IBTK: variants seen among roughly 807,000 people sequenced by gnomAD.
IBTK encodes BTK-binding protein.
In IBTK, 83 loss-of-function variants were observed where a neutral mutation model predicts 154.9. The observed-to-expected ratio is 0.54, with a 90% CI of 0.45 to 0.64. The LOEUF (loss-of-function observed/expected upper bound fraction) is 0.64. Among genes scored for constraint, IBTK ranks in the 30% least tolerant of loss-of-function variants. The pLI, the probability that IBTK is intolerant of heterozygous loss-of-function variation, is 0.00. For synonymous variants in IBTK, 515 were observed against 536.1 expected (o/e 0.96, Z 0.54); for missense variants, 1,332 against 1,584.6 (o/e 0.84, Z 2.71).
chr6:82,234,155 T>C lies in IBTK; in HGVS notation c.418+4A>G. 2 of 1,505,974 alleles carry C rather than the reference T, an allele frequency of 1.3e-6. No individual in the cohort carries two copies. The highest frequency in any genetic ancestry group is 1.8e-6 in the Non-Finnish European group (2 of 1,089,194). 93.3% of individuals were successfully genotyped at this position (1,505,974 alleles called of 1,614,324 possible). On this transcript the variant is annotated splice_donor_region_variant and intron_variant, in intron 3 of 28. Coordinates refer to ENST00000306270, the MANE Select transcript of IBTK (RefSeq NM_015525.4). Reference sequence around the variant, plus strand: ...CGCCCAGCCCATTTGTGAAATTTTCTTACCAGTATTCTTGAATACTACATG... The same window carrying C: ...CGCCCAGCCCATTTGTGAAATTTTCCTACCAGTATTCTTGAATACTACATG...
intron 10 of IBTK, among the ~76,000 whole-genome samples, chr6:82,217,270 G>A (rs1307232737): frequency 2.6e-5 from 4 of 152,014 alleles, no homozygotes; most frequent in Admixed American, 6.6e-5. Context: ...TTGAACCTAC[G>A]TTCTAGTTAC....
At chr6:82,230,947 G>A (rs140041114) in intron 4 of IBTK, among the ~76,000 whole-genome samples, 21 of 152,188 alleles carry the variant, frequency 1.4e-4, no homozygotes, top group South Asian at 4.1e-4. Context: ...AGCATCACTC[G>A]TGCCTAAGCA....
chr6:82,195,565 T>G (rs1768952738), intron 22 of IBTK, among the ~76,000 whole-genome samples: 1 of 151,074 alleles, frequency 6.6e-6, no homozygotes, highest in Admixed American at 6.6e-5. Flanking sequence ...GCAACCAGAG[T>G]GAGAGACCCT....
chr6:82,240,698 G>T lies in IBTK; in HGVS notation c.-212C>A. 1 of 491,546 alleles carries T rather than the reference G, an allele frequency of 2.0e-6. No individual in the cohort carries two copies. The highest frequency in any genetic ancestry group is 3.5e-6 in the Non-Finnish European group (1 of 281,716). The allele number at this position is 491,546 out of a possible 1,614,324, so 30.4% of individuals were successfully genotyped here. ...AAAAAATTATAAATAGCTCTATAAA[G>T]TTCATATCAAATACAAGTTCTTCAT... On this transcript the variant is annotated 5_prime_UTR_variant, in exon 2 of 29. Transcript: ENST00000306270.
At chr6:82,184,856 G>A (rs1008650845) in intron 25 of IBTK, among the ~76,000 whole-genome samples, 1 of 152,012 alleles carries the variant, frequency 6.6e-6, no homozygotes, top group Non-Finnish European at 1.5e-5. Flanking sequence ...GATACTTCAG[G>A]TAATGATGTA....
At chr6:82,242,092 A>T (rs899379609) in intron 1 of IBTK, among the ~76,000 whole-genome samples, 1 of 152,214 alleles carries the variant, frequency 6.6e-6, no homozygotes, top group Admixed American at 6.5e-5. Flanking sequence ...GGCAATGGCC[A>T]GGCGCAGTGG....
At chr6:82,176,509 G>A (rs1480651076) in intron 26 of IBTK, among the ~76,000 whole-genome samples, 11 of 132,872 alleles carry the variant, frequency 8.3e-5, no homozygotes, top group African/African-American at 2.6e-4. Context: ...TGACAAGAGC[G>A]AGAGTCCGTC....
intron 23 of IBTK, among the ~76,000 whole-genome samples, chr6:82,192,931 C>A (rs1768828521): frequency 1.3e-5 from 2 of 151,598 alleles, no homozygotes; most frequent in Non-Finnish European, 2.9e-5. Context: ...ACCCTCATCT[C>A]TACTAAAAAT....
chr6:82,192,013 G>C (rs903594505), intron 23 of IBTK, 134 bp from the exon 24 acceptor site: 2 of 555,738 alleles, frequency 3.6e-6, no homozygotes, highest in African/African-American at 3.8e-5. Context: ...CTGTGAGCCA[G>C]TTTCATAAAG....
intron 26 of IBTK, among the ~76,000 whole-genome samples, chr6:82,178,659 A>G (rs1336327451): frequency 6.6e-6 from 1 of 152,244 alleles, no homozygotes; most frequent in Non-Finnish European, 1.5e-5. Flanking sequence ...ACAAACATGA[A>G]AATACTTAGA....
chr6:82,198,718 T>C lies in IBTK; in HGVS notation c.3025+1423A>G, dbSNP rs116235006. ...TGTACTAGGTTATGCCTTAGTGCTATAGACAAGAGTAACCTACCATTTCTG... is the reference window on the plus strand; with the variant it reads ...TGTACTAGGTTATGCCTTAGTGCTACAGACAAGAGTAACCTACCATTTCTG... On this transcript the variant is annotated intron_variant, in intron 21 of 28. Transcript: ENST00000306270. Among the ~76,000 whole-genome samples, 1,436 of 152,282 alleles carry C rather than the reference T, an allele frequency of 9.4e-3. 20 individuals carry two copies. The highest frequency in any genetic ancestry group is 0.033 in the African/African-American group (1,358 of 41,580).
chr6:82,172,755 G>A, intron 27 of IBTK: 1 of 401,194 alleles, frequency 2.5e-6, no homozygotes, highest in Non-Finnish European at 4.4e-6. Context: ...CCTACGATGA[G>A]CGAACCTGGA....
intron 11 of IBTK, among the ~76,000 whole-genome samples, chr6:82,215,353 G>A (rs1769826787): frequency 6.6e-6 from 1 of 152,108 alleles, no homozygotes; most frequent in Admixed American, 6.5e-5. Flanking sequence ...GATTTGCATT[G>A]CGATTTACAG....
intron 1 of IBTK, among the ~76,000 whole-genome samples, chr6:82,242,716 G>A (rs1770998108): frequency 6.6e-6 from 1 of 152,066 alleles, no homozygotes; most frequent in Non-Finnish European, 1.5e-5. Flanking sequence ...GGAGGCCGGG[G>A]TGGGCGGACC....
intron 26 of IBTK, among the ~76,000 whole-genome samples, chr6:82,180,233 G>C (rs968408627): frequency 6.6e-6 from 1 of 151,844 alleles, no homozygotes; most frequent in Non-Finnish European, 1.5e-5. Flanking sequence ...TTCCATTTAA[G>C]GTTTTTTTAT....
chr6:82,172,723 A>G, intron 27 of IBTK: 1 of 487,752 alleles, frequency 2.1e-6, no homozygotes, highest in Non-Finnish European at 3.6e-6. Context: ...CTCTTTAGCA[A>G]TGCTACAATT....
At chr6:82,179,506 C>T (rs954996621) in intron 26 of IBTK, among the ~76,000 whole-genome samples, 1 of 152,132 alleles carries the variant, frequency 6.6e-6, no homozygotes, top group Non-Finnish European at 1.5e-5. Context: ...GACGACTGAA[C>T]ATATGCTCAT....
At position 82,211,356 on chromosome 6, in the gene IBTK, T is replaced by C. The variant is rs748425750; in HGVS notation, c.2412+11A>G. ...AGTTACCAACCTAGGCGCTTTTTACTTAAATCTTACCTCAATCCATGAGCT... is the reference window on the plus strand; with the variant it reads ...AGTTACCAACCTAGGCGCTTTTTACCTAAATCTTACCTCAATCCATGAGCT... On this transcript the variant is annotated intron_variant, in intron 15 of 28. Coordinates refer to ENST00000306270, the MANE Select transcript of IBTK (RefSeq NM_015525.4). The C allele has an allele frequency of 1.9e-6, 3 of 1,592,006 alleles. No homozygotes were observed. The highest frequency in any genetic ancestry group is 2.6e-6 in the Non-Finnish European group (3 of 1,173,206).
At chr6:82,171,651 C>G in intron 28 of IBTK, 95 bp from the exon 29 acceptor site, 1 of 1,009,808 alleles carries the variant, frequency 9.9e-7, no homozygotes, top group Non-Finnish European at 1.5e-6. Context: ...GGAACTATCA[C>G]TTTCCATGGA....
Sources: gnomAD v4.1 joint callset for allele counts (sites outside exome capture counted in the v4.1 genomes callset) on GRCh38, gnomAD v4.1.1 for gene constraint, MANE v1.5 for transcripts, NCBI Gene and HGNC (gene_info 2026-07-23, HGNC 2026-07-21) for gene names.